Variants in COL9A1 observed in about 807,000 individuals in gnomAD.
COL9A1 encodes the protein collagen type IX alpha 1 chain.
A neutral mutation model predicts 142.6 loss-of-function variants in COL9A1; 104 were observed. The ratio of observed to expected loss-of-function variants is 0.73; its 90% CI spans 0.62 to 0.86. COL9A1 has a LOEUF of 0.86. COL9A1 is among the 40% of genes least tolerant of loss of function. The pLI is 0.00. For synonymous variants in COL9A1, 466 were observed against 396.0 expected, an observed-to-expected ratio of 1.18 and a Z score of -2.10; for missense variants, 1,210 against 1,176.6, an observed-to-expected ratio of 1.03 and a Z score of -0.42.
intron 4 of COL9A1, among the ~76,000 whole-genome samples, chr6:70,296,242 A>AT (rs910708233): frequency 1.1e-4 from 16 of 151,960 alleles, no homozygotes; most frequent in Non-Finnish European, 1.8e-4. Flanking sequence ...TCATAGAAGT[A>AT]TTTTTTTTAA....
chr6:70,280,468 A>T (rs771164930), intron 10 of COL9A1: 17 of 1,271,146 alleles, frequency 1.3e-5, no homozygotes, highest in Non-Finnish European at 1.7e-5. Flanking sequence ...CGAAGCCAGT[A>T]CAATCTATTG....
intron 36 of COL9A1, among the ~76,000 whole-genome samples, chr6:70,232,218 T>G (rs1769593469): frequency 6.6e-6 from 1 of 152,172 alleles, no homozygotes; most frequent in Non-Finnish European, 1.5e-5. Flanking sequence ...TTAGAGGAAC[T>G]CAACAATGAC....
chr6:70,264,877 A>G (rs1183865798), intron 18 of COL9A1, among the ~76,000 whole-genome samples: 1 of 152,118 alleles, frequency 6.6e-6, no homozygotes, highest in East Asian at 1.9e-4. Flanking sequence ...TCATTAACTA[A>G]TTTGGGTAAA....
chr6:70,241,936 G>T, intron 30 of COL9A1, 28 bp downstream of exon 30: 1 of 1,559,186 alleles, frequency 6.4e-7, no homozygotes, highest in Non-Finnish European at 8.7e-7. Flanking sequence ...TCCAAATAAA[G>T]AACCTTCTGG....
At position 70,270,256 on chromosome 6, in the gene COL9A1, A is replaced by AT. The variant is rs558213061; in HGVS notation, c.1197+57dup. ...AGGAACTTCCATTTTGGATTCTTAG[A>AT]TTTTTTTCAACCCTGACTCTCAGAC... is the stretch of plus-strand genomic sequence containing the variant. On this transcript the variant is annotated intron_variant, in intron 15 of 37. Transcript: ENST00000357250. 2.7e-4 allele frequency: 419 copies of AT among 1,549,060 alleles called. No homozygotes were observed. In the African/African-American group the frequency reaches 4.8e-3, roughly 18 times the overall value.
intron 4 of COL9A1, among the ~76,000 whole-genome samples, chr6:70,295,670 GTCC>G (rs1773827750): frequency 6.6e-6 from 1 of 152,090 alleles, no homozygotes; most frequent in Non-Finnish European, 1.5e-5. Context: ...AACCAGTAGT[GTCC>G]CTGAGGCATC....
intron 4 of COL9A1, 93 bp from the exon 5 acceptor site, chr6:70,294,656 G>A: frequency 1.7e-6 from 2 of 1,210,616 alleles, no homozygotes; most frequent in Non-Finnish European, 2.4e-6. Context: ...TTAGATGCCA[G>A]ACCTATAGAA....
chr6:70,243,590 C>T lies in COL9A1; in HGVS notation c.1873-875G>A, dbSNP rs188187632. Among the ~76,000 whole-genome samples the T allele has an allele frequency of 1.8e-3, 275 of 152,022 alleles. 1 individual carries two copies. Among genetic ancestry groups the T allele is most frequent in the African/African-American group, 6.1e-3 (252 of 41,466 alleles). On this transcript the variant is annotated intron_variant, in intron 28 of 37. Coordinates refer to ENST00000357250, the MANE Select transcript of COL9A1 (RefSeq NM_001851.6). ...TTGCCCAGGCTGGAGTGCAGTGGTG[C>T]GATCTCAGCTCACTGCAACCTCCAT...
At position 70,294,147 on chromosome 6, in the gene COL9A1, G is replaced by A. The variant is rs1204924376; in HGVS notation, c.696+20C>T. ...TCTAGTTTTGCTTTAATCTGCCATA[G>A]TGTGTGGTTTTATACTTACTGGAAC... On this transcript the variant is annotated intron_variant, in intron 5 of 37. Coordinates refer to ENST00000357250, the MANE Select transcript of COL9A1 (RefSeq NM_001851.6). 9 of 1,613,754 alleles carry A rather than the reference G, an allele frequency of 5.6e-6. No homozygotes were observed. Among genetic ancestry groups the A allele is most frequent in the Admixed American group, 1.7e-5 (1 of 59,986 alleles).
intron 16 of COL9A1, among the ~76,000 whole-genome samples, chr6:70,269,092 C>T (rs1772229554): frequency 6.6e-6 from 1 of 152,124 alleles, no homozygotes; most frequent in Admixed American, 6.5e-5. Context: ...ATACCCTCCC[C>T]CATGAATGTA....
In COL9A1 at chr6:70,283,955, A is replaced by T. The variant is rs150862174; in HGVS notation, c.697-135T>A. 7.8e-4 allele frequency: 570 copies of T among 733,976 alleles called. 3 individuals are homozygous for T. In the African/African-American group the frequency reaches 8.9e-3, roughly 11 times the overall value. 45.5% of individuals were successfully genotyped at this position (733,976 alleles called of 1,614,324 possible). A position where few individuals can be genotyped will look rare whatever the true frequency, so the allele number is the denominator to read the frequency against. On this transcript the variant is annotated intron_variant, in intron 5 of 37. Coordinates refer to ENST00000357250, the MANE Select transcript of COL9A1 (RefSeq NM_001851.6). ...AACTGGTTGAGCACACTGGACCAGG[A>T]CTCTTGCTTTTCCTTGAATACAAGT...
downstream of COL9A1, chr6:70,215,250 A>C (rs1768433291): frequency 6.6e-6 from 1 of 152,228 alleles, no homozygotes; most frequent in Admixed American, 6.5e-5. Flanking sequence ...AATCTTCTTA[A>C]GCAAAATTCA....
chr6:70,219,329 G>T (rs1389582221), intron 37 of COL9A1, among the ~76,000 whole-genome samples: 1 of 152,136 alleles, frequency 6.6e-6, no homozygotes. Context: ...TGAGATCAGG[G>T]GTGGGCAAAC....
chr6:70,250,713 T>A (rs1770885627), intron 28 of COL9A1, among the ~76,000 whole-genome samples: 1 of 152,260 alleles, frequency 6.6e-6, no homozygotes, highest in African/African-American at 2.4e-5. Context: ...GTTTCTGTGT[T>A]CTCACTTGGA....
intron 37 of COL9A1, among the ~76,000 whole-genome samples, chr6:70,220,597 T>TCAGGC (rs1768821679): frequency 6.6e-6 from 1 of 152,134 alleles, no homozygotes; most frequent in African/African-American, 2.4e-5. Context: ...TAGCAGATTG[T>TCAGGC]CAGGCTCTGG....
chr6:70,260,751 G>A, intron 19 of COL9A1, 41 bp from the exon 20 acceptor site: 3 of 1,601,742 alleles, frequency 1.9e-6, no homozygotes, highest in Non-Finnish European at 2.6e-6. Context: ...TTTAGTTGAA[G>A]CAAAGATTTT....
Position 70,255,143 on chromosome 6 carries a change from G to A in COL9A1, c.1611+7C>T. 6.2e-7 allele frequency: 1 copy of A among 1,614,146 alleles called. No individual in the cohort carries two copies. The highest frequency in any genetic ancestry group is 8.5e-7 in the Non-Finnish European group (1 of 1,180,006). On this transcript the variant is annotated splice_region_variant and intron_variant, in intron 23 of 37. Transcript: ENST00000357250. ...AATGTGCTTGATGACTACAGCTCAG[G>A]ACATACCGTGTCTCCTTTGGGCCCA...
At chr6:70,241,851 T>C in intron 30 of COL9A1, 113 bp downstream of exon 30, 1 of 916,194 alleles carries the variant, frequency 1.1e-6, no homozygotes, top group Non-Finnish European at 1.8e-6. Flanking sequence ...TTGATAGCTG[T>C]TTATGATAAA....
rs201440071 is a variant in COL9A1, at chr6:70,254,946, T to G, written c.1665+17A>C. The G allele has an allele frequency of 9.9e-6, 16 of 1,613,454 alleles. No individual in the cohort carries two copies. Among genetic ancestry groups the G allele is most frequent in the Non-Finnish European group, 1.3e-5 (15 of 1,179,514 alleles). On this transcript the variant is annotated intron_variant, in intron 24 of 37. Transcript: ENST00000357250. The stretch of plus-strand genomic sequence containing the variant: ...GAGACAGCCCCACTCACTCTTGGAG[T>G]AAATTACACAGCCTACCTTTGTTCC...
Sources: allele counts gnomAD v4.1 joint callset (sites outside exome capture counted in the v4.1 genomes callset), GRCh38; gene constraint gnomAD v4.1.1; transcripts MANE v1.5; gene names NCBI Gene and HGNC (gene_info 2026-07-23, HGNC 2026-07-21).